The following GALNT18 variants were observed in gnomAD, a reference collection of about 807,000 sequenced individuals.
GALNT18 encodes the protein polypeptide N-acetylgalactosaminyltransferase 18, also known as GalNAc-transferase 18.
GALNT18 carries 44 observed loss-of-function variants against 69.5 expected under a neutral mutation model. That is an observed-to-expected ratio of 0.63 (90% CI 0.50 to 0.81). GALNT18 has a LOEUF of 0.81. Among genes scored for constraint, GALNT18 ranks in the 40% least tolerant of loss-of-function variants. The pLI, the probability that GALNT18 is intolerant of heterozygous loss-of-function variation, is 0.00. For synonymous variants in GALNT18, 364 were observed against 318.2 expected (o/e 1.14, Z -1.53); for missense variants, 715 against 810.0 (o/e 0.88, Z 1.42).
chr11:11,299,974 C>A (rs563469229), intron 9 of GALNT18, among the ~76,000 whole-genome samples: 2 of 152,184 alleles, frequency 1.3e-5, no homozygotes, highest in Non-Finnish European at 1.5e-5. Context: ...AATTCTGGAG[C>A]CCTCACCAAG....
chr11:11,476,322 A>G (rs1336475291), intron 1 of GALNT18: 1 of 152,146 alleles, frequency 6.6e-6, no homozygotes, highest in Admixed American at 6.5e-5. Context: ...TTACCTTGCA[A>G]TAGCTGACTT....
At chr11:11,274,726 G>A (rs1848903099) in intron 10 of GALNT18, among the ~76,000 whole-genome samples, 2 of 152,270 alleles carry the variant, frequency 1.3e-5, no homozygotes, top group South Asian at 4.2e-4. Flanking sequence ...ACAAGCCCCA[G>A]TGTGTGATGT....
intron 1 of GALNT18, among the ~76,000 whole-genome samples, chr11:11,498,792 C>G (rs1219652221): frequency 6.6e-6 from 1 of 151,944 alleles, no homozygotes; most frequent in Non-Finnish European, 1.5e-5. Context: ...GAGTGAGACT[C>G]CATCTCAAAA....
chr11:11,566,604 A>G (rs1278378325), intron 1 of GALNT18, among the ~76,000 whole-genome samples: 1 of 152,208 alleles, frequency 6.6e-6, no homozygotes, highest in Non-Finnish European at 1.5e-5. Context: ...GTTCAGGGAG[A>G]TAACAAGTAT....
chr11:11,592,973 T>C lies in GALNT18; in HGVS notation c.235+28386A>G, dbSNP rs112879826. On this transcript the variant is annotated intron_variant, in intron 1 of 10. Transcript: ENST00000227756. This position sits in a 1 kb window ranked among gnomAD's most constrained non-coding sequence, Gnocchi z 5.9. ...CTCTGTCTCCCAGGCTGGAGTGCAG[T>C]GGCGCAATCTCAGCTCACTGCAAGC... Among the ~76,000 whole-genome samples the C allele has an allele frequency of 7.2e-5, 11 of 152,288 alleles. No homozygotes were observed. The highest frequency in any genetic ancestry group is 2.6e-4 in the African/African-American group (11 of 41,566).
chr11:11,499,340 C>G (rs1369910997), intron 1 of GALNT18, among the ~76,000 whole-genome samples: 2 of 152,234 alleles, frequency 1.3e-5, no homozygotes, highest in East Asian at 3.8e-4. Context: ...ACTGTCATGT[C>G]CTCTACTTTG....
intron 3 of GALNT18, among the ~76,000 whole-genome samples, chr11:11,418,623 T>G (rs1252364460): frequency 2.0e-5 from 3 of 152,214 alleles, no homozygotes; most frequent in African/African-American, 7.2e-5. Flanking sequence ...CTTTGTGTGC[T>G]TTGCTTATTT....
rs2133712256 is a variant in GALNT18 at position 11,389,728 on chromosome 11, C to T, written c.596-10464G>A. On this transcript the variant is annotated intron_variant, in intron 3 of 10. Transcript: ENST00000227756. This position sits in a 1 kb window ranked among gnomAD's most constrained non-coding sequence, Gnocchi z 4.3. ...CAAGAACTCAAAGCCTTGGGAATTGCTGGCAGATAGTGTTTAATAGCAGGT... is the reference window on the plus strand; with the variant it reads ...CAAGAACTCAAAGCCTTGGGAATTGTTGGCAGATAGTGTTTAATAGCAGGT... 6.6e-6 allele frequency among the ~76,000 whole-genome samples: 1 copy of T among 152,248 alleles called. No individual in the cohort carries two copies. Among genetic ancestry groups the T allele is most frequent in the South Asian group, 2.1e-4 (1 of 4,826 alleles).
chr11:11,322,279 T>C (rs181115109), intron 9 of GALNT18, among the ~76,000 whole-genome samples: 18 of 152,368 alleles, frequency 1.2e-4, no homozygotes, highest in Admixed American at 1.0e-3. Flanking sequence ...TCAGGCAATC[T>C]GGCTCCAGAA....
chr11:11,560,247 T>C (rs1318663440), intron 1 of GALNT18, among the ~76,000 whole-genome samples: 1 of 152,064 alleles, frequency 6.6e-6, no homozygotes, highest in Non-Finnish European at 1.5e-5. Context: ...TAGAATGAGA[T>C]ATGATGGGAT....
Position 11,332,815 on chromosome 11 carries a change from A to T in GALNT18, c.1295T>A (p.Ile432Asn). 3 of 1,613,566 alleles carry T rather than the reference A, an allele frequency of 1.9e-6. No homozygotes were observed. The highest frequency in any genetic ancestry group is 2.5e-6 in the Non-Finnish European group (3 of 1,179,994). The part of the protein sequence containing the change: ...NIPQEDSGID[I>N]GDITARKALR... ...AGCCTTCCTTGCAGTGATGTCCCCAATGTCAATTCCTGAGTCCTGCACAGG... is the reference window on the plus strand; with the variant it reads ...AGCCTTCCTTGCAGTGATGTCCCCATTGTCAATTCCTGAGTCCTGCACAGG... The change falls in exon 8 of 11, where the codon ATT becomes AAT. Residue 432 changes from isoleucine (I) to asparagine (N), a missense_variant. Physicochemically the swap from Ile to Asn is moderately radical, Grantham distance 149. Coordinates refer to ENST00000227756, the MANE Select transcript of GALNT18 (RefSeq NM_198516.3). This position sits in a 1 kb window ranked among gnomAD's most constrained non-coding sequence, Gnocchi z 4.3.
chr11:11,589,171 G>C lies in GALNT18; in HGVS notation c.235+32188C>G, dbSNP rs116614276. 4.9e-3 allele frequency among the ~76,000 whole-genome samples: 749 copies of C among 152,320 alleles called. 2 individuals are homozygous for C. Among genetic ancestry groups the C allele is most frequent in the African/African-American group, 0.017 (722 of 41,554 alleles). ...GATGACCCCCATAGGAGTGGAGGGA[G>C]AAGCCAGGAAGGAAAGGGGGCTGCG... On this transcript the variant is annotated intron_variant, in intron 1 of 10. Coordinates refer to ENST00000227756, the MANE Select transcript of GALNT18 (RefSeq NM_198516.3).
At chr11:11,571,051 C>A (rs931069281) in intron 1 of GALNT18, among the ~76,000 whole-genome samples, 1 of 152,098 alleles carries the variant, frequency 6.6e-6, no homozygotes, top group East Asian at 1.9e-4. Context: ...CATGGGCCAC[C>A]CTAAGAACCT....
intron 7 of GALNT18, among the ~76,000 whole-genome samples, chr11:11,334,522 G>A (rs934505918): frequency 3.4e-5 from 5 of 147,584 alleles, no homozygotes; most frequent in Admixed American, 6.9e-5. Context: ...CAGCCTGGGC[G>A]ACAGAGCAAG....
Position 11,621,564 on chromosome 11 carries a change from C to A in GALNT18, c.30G>T (p.Leu10Phe). ...CGCTCAGGATCACGCAAGTGGACAC[C>A]AAAGTTTTGGTCTTCCTGGTGCACA... MVCTRKTKT[L>F]VSTCVILSGM... Residue 10 changes from leucine (L) to phenylalanine (F), a missense_variant, in exon 1 of 11, where the codon TTG (leucine) becomes TTT (phenylalanine). Coordinates refer to ENST00000227756, the MANE Select transcript of GALNT18 (RefSeq NM_198516.3). This position sits in a 1 kb window ranked among gnomAD's most constrained non-coding sequence, Gnocchi z 9.3. The A allele has an allele frequency of 1.2e-6, 2 of 1,611,176 alleles. No homozygotes were observed. Among genetic ancestry groups the A allele is most frequent in the South Asian group, 2.2e-5 (2 of 90,738 alleles).
intron 1 of GALNT18, among the ~76,000 whole-genome samples, chr11:11,588,434 G>T (rs1859275985): frequency 6.6e-6 from 1 of 152,200 alleles, no homozygotes; most frequent in Non-Finnish European, 1.5e-5. Flanking sequence ...AGGGAGGGAA[G>T]GAATAATGTT....
chr11:11,286,089 G>T (rs1849187501), intron 10 of GALNT18, among the ~76,000 whole-genome samples: 1 of 152,114 alleles, frequency 6.6e-6, no homozygotes, highest in Non-Finnish European at 1.5e-5. Flanking sequence ...GGGGGCTGGG[G>T]TGTGGTGTCT....
At chr11:11,492,494 A>G (rs981833720) in intron 1 of GALNT18, among the ~76,000 whole-genome samples, 2 of 152,258 alleles carry the variant, frequency 1.3e-5, no homozygotes, top group Non-Finnish European at 2.9e-5. Flanking sequence ...CTTGGAACCA[A>G]TCCAAATGTC....
chr11:11,287,966 A>G (rs928436725), intron 10 of GALNT18, among the ~76,000 whole-genome samples: 1 of 152,168 alleles, frequency 6.6e-6, no homozygotes, highest in Non-Finnish European at 1.5e-5. Flanking sequence ...TGATAGCTGC[A>G]TGTCCCCACA....
Sources: allele counts gnomAD v4.1 joint callset (sites outside exome capture counted in the v4.1 genomes callset), GRCh38; gene constraint gnomAD v4.1.1; non-coding constraint Gnocchi (gnomAD v3.1); transcripts MANE v1.5; gene names NCBI Gene and HGNC (gene_info 2026-07-23, HGNC 2026-07-21).